Variants in TRIM67 observed in about 807,000 individuals in gnomAD.
The protein encoded by TRIM67 is tripartite motif-containing protein 67.
Under a neutral mutation model 71.0 loss-of-function variants are expected in TRIM67, and 39 were observed. The observed-to-expected ratio is 0.55, with a 90% CI of 0.43 to 0.72. The LOEUF (loss-of-function observed/expected upper bound fraction) is 0.72, where lower values mean the gene tolerates loss of function less well. TRIM67 is among the 30% of genes least tolerant of loss of function. The probability of loss-of-function intolerance (pLI) is 0.00; values close to 1 mark genes in which losing one functional copy is unlikely to be tolerated. For synonymous variants in TRIM67, 481 were observed against 473.9 expected, an observed-to-expected ratio of 1.01 and a Z score of -0.19; for missense variants, 973 against 1,079.2, an observed-to-expected ratio of 0.90 and a Z score of 1.38.
At chr1:231,173,810 G>T (rs1340221034) in intron 1 of TRIM67, among the ~76,000 whole-genome samples, 2 of 152,144 alleles carry the variant, frequency 1.3e-5, no homozygotes, top group African/African-American at 2.4e-5. Flanking sequence ...ATAGTAGGGG[G>T]ACAAGAGTGG....
At chr1:231,200,764 C>T (rs1170114413) in intron 4 of TRIM67, among the ~76,000 whole-genome samples, 1 of 152,066 alleles carries the variant, frequency 6.6e-6, no homozygotes, top group African/African-American at 2.4e-5. Context: ...TGATGAATCC[C>T]TTTGATTATT....
In TRIM67 at chr1:231,167,468, G is replaced by A. The variant is rs967315557; in HGVS notation, c.1044+3455G>A. On this transcript the variant is annotated intron_variant, in intron 1 of 9. Coordinates refer to ENST00000366653, the MANE Select transcript of TRIM67 (RefSeq NM_001004342.5). ...CTCCCAAGTAGCTGGGACTACAGGC[G>A]CCCGCCACTACGCCCGGCTAATTTT... 2.4e-5 allele frequency among the ~76,000 whole-genome samples: 3 copies of A among 124,058 alleles called. 1 individual carries two copies. Among genetic ancestry groups the A allele is most frequent in the Admixed American group, 1.6e-4 (2 of 12,580 alleles). The allele number at this position is 124,058 out of a possible 152,430, so 81.4% of individuals were successfully genotyped here.
chr1:231,204,719 TTAAA>T (rs1167860218), intron 6 of TRIM67, among the ~76,000 whole-genome samples: 2 of 152,120 alleles, frequency 1.3e-5, no homozygotes, highest in African/African-American at 2.4e-5. Flanking sequence ...CCAGAGAAGA[TTAAA>T]TAAACACTCA....
intron 9 of TRIM67, among the ~76,000 whole-genome samples, chr1:231,215,018 G>A (rs1207059673): frequency 6.6e-6 from 1 of 152,142 alleles, no homozygotes; most frequent in Non-Finnish European, 1.5e-5. Context: ...GGTTTAATAG[G>A]AAAGGAAAGA....
At position 231,163,260 on chromosome 1, in the gene TRIM67, C is replaced by A; in HGVS notation, c.291C>A (p.Asp97Glu). Residue 97 changes from aspartate (D) to glutamate (E), a missense_variant, in exon 1 of 10, where the codon GAC (aspartate) becomes GAA (glutamate). Coordinates refer to ENST00000366653, the MANE Select transcript of TRIM67 (RefSeq NM_001004342.5). ...GLGGGAGGGGDHADKLSLYSE... is the reference protein window; with the variant it reads ...GLGGGAGGGGEHADKLSLYSE... The stretch of plus-strand genomic sequence containing the variant: ...GCGGCGGTGCGGGAGGTGGCGGAGA[C>A]CACGCGGACAAGCTCAGCTTGTACA... 1.3e-6 allele frequency: 2 copies of A among 1,513,330 alleles called. No individual in the cohort carries two copies. The highest frequency in any genetic ancestry group is 1.8e-6 in the Non-Finnish European group (2 of 1,130,706). 93.7% of individuals were successfully genotyped at this position (1,513,330 alleles called of 1,614,324 possible).
chr1:231,163,797 C>A lies in TRIM67; in HGVS notation c.828C>A (p.Ser276Arg), dbSNP rs755587437. 1.9e-5 allele frequency: 28 copies of A among 1,489,876 alleles called. No individual in the cohort carries two copies. Among genetic ancestry groups the A allele is most frequent in the Non-Finnish European group, 2.2e-5 (25 of 1,116,004 alleles). The allele number at this position is 1,489,876 out of a possible 1,614,324, so 92.3% of individuals were successfully genotyped here. Reference protein sequence around the residue: ...GPTGTAQGAPSGGGGCKSPGG... With the variant: ...GPTGTAQGAPRGGGGCKSPGG... ...CTGGCACCGCCCAGGGCGCCCCCAG[C>A]GGAGGCGGCGGCTGCAAGAGCCCGG... Residue 276 changes from serine to arginine, a missense_variant, in exon 1 of 10, where the codon AGC becomes AGA. Physicochemically the swap from Ser to Arg is moderately radical, Grantham distance 110. Around this residue, in one of 2 missense-constraint regions of TRIM67, gnomAD observed 795 missense variants for 831.3 expected, o/e 0.96. Coordinates refer to ENST00000366653, the MANE Select transcript of TRIM67 (RefSeq NM_001004342.5).
chr1:231,194,320 G>C (rs542261269), intron 1 of TRIM67, among the ~76,000 whole-genome samples: 1 of 152,208 alleles, frequency 6.6e-6, no homozygotes, highest in Non-Finnish European at 1.5e-5. Flanking sequence ...TGACCCCTCA[G>C]CCTCCTTTTG....
At chr1:231,202,253 A>AGGAGGAGGTGGAAG (rs1683571664) in intron 5 of TRIM67, among the ~76,000 whole-genome samples, 10 of 11,610 alleles carry the variant, frequency 8.6e-4, no homozygotes, top group Non-Finnish European at 1.7e-3. Flanking sequence ...GGTAGTGGAG[A>AGGAGGAGGTGGAAG]AGGAGGAGGT....
chr1:231,168,470 A>T (rs1301583308), intron 1 of TRIM67, among the ~76,000 whole-genome samples: 1 of 152,246 alleles, frequency 6.6e-6, no homozygotes, highest in Non-Finnish European at 1.5e-5. Context: ...TATGTCAAAG[A>T]TACCTGATTT....
chr1:231,206,519 C>T (rs185417239), intron 6 of TRIM67, 133 bp from the exon 7 acceptor site: 229 of 856,280 alleles, frequency 2.7e-4, no homozygotes, highest in Non-Finnish European at 1.9e-4. Flanking sequence ...ATGCTCCCAC[C>T]TCAGCTTCCT....
Position 231,218,486 on chromosome 1 carries a change from A to G in TRIM67, c.*3046A>G. The stretch of plus-strand genomic sequence containing the variant: ...GTCAAAGTGTATGCCTTTTCCTTTT[A>G]AAATTAATCTCTTCCGAAAATATCC... On this transcript the variant is annotated 3_prime_UTR_variant, in exon 10 of 10. Coordinates refer to ENST00000366653, the MANE Select transcript of TRIM67 (RefSeq NM_001004342.5). The G allele has an allele frequency of 2.0e-6, 2 of 985,466 alleles. No individual in the cohort carries two copies. Among genetic ancestry groups the G allele is most frequent in the Non-Finnish European group, 2.4e-6 (2 of 829,944 alleles). The allele number at this position is 985,466 out of a possible 1,614,324, so 61.0% of individuals were successfully genotyped here.
intron 1 of TRIM67, among the ~76,000 whole-genome samples, chr1:231,176,071 T>C: frequency 6.6e-6 from 1 of 152,176 alleles, no homozygotes; most frequent in East Asian, 1.9e-4. Context: ...AAGGTGGCTT[T>C]CATTCCTGAG....
chr1:231,216,101 G>T lies in TRIM67; in HGVS notation c.*661G>T. On this transcript the variant is annotated 3_prime_UTR_variant, in exon 10 of 10. Coordinates refer to ENST00000366653, the MANE Select transcript of TRIM67 (RefSeq NM_001004342.5). ...GGCTTCCTTTATTAATCAGCCAATTGTGTTCTCTCTCTCTCTTCCTCCATC... is the reference window on the plus strand; with the variant it reads ...GGCTTCCTTTATTAATCAGCCAATTTTGTTCTCTCTCTCTCTTCCTCCATC... 1 of 985,272 alleles carries T rather than the reference G, an allele frequency of 1.0e-6. No individual in the cohort carries two copies. The highest frequency in any genetic ancestry group is 1.2e-6 in the Non-Finnish European group (1 of 829,876). The allele number at this position is 985,272 out of a possible 1,614,324, so 61.0% of individuals were successfully genotyped here.
intron 1 of TRIM67, among the ~76,000 whole-genome samples, chr1:231,179,637 T>A (rs1682847577): frequency 6.6e-6 from 1 of 152,202 alleles, no homozygotes; most frequent in African/African-American, 2.4e-5. Context: ...AGCATTCCAA[T>A]AATGGAACAC....
At chr1:231,173,094 C>T (rs934423481) in intron 1 of TRIM67, among the ~76,000 whole-genome samples, 3 of 152,178 alleles carry the variant, frequency 2.0e-5, no homozygotes, top group African/African-American at 4.8e-5. Context: ...TATATCATAT[C>T]AGACACAGTT....
At chr1:231,190,603 C>T (rs1000174337) in intron 1 of TRIM67, among the ~76,000 whole-genome samples, 1 of 135,700 alleles carries the variant, frequency 7.4e-6, no homozygotes, top group African/African-American at 2.8e-5. Context: ...CCTTCGTAGC[C>T]AATGCTGAGC....
At position 231,182,224 on chromosome 1, in the gene TRIM67, T is replaced by TA. The variant is rs537151464; in HGVS notation, c.1045-15146dup. 6.4e-3 allele frequency among the ~76,000 whole-genome samples: 971 copies of TA among 152,260 alleles called. 6 individuals are homozygous for TA. The highest frequency in any genetic ancestry group is 0.01 in the Non-Finnish European group (683 of 68,022). Reference sequence around the variant, plus strand: ...TTATTCAACAAATATTTATGGGACATACACTGGTAGCCCACGCAAAGATGA... The same window carrying TA: ...TTATTCAACAAATATTTATGGGACATAACACTGGTAGCCCACGCAAAGATGA... On this transcript the variant is annotated intron_variant, in intron 1 of 9. Transcript: ENST00000366653.
At chr1:231,199,556 A>G (rs117168805) in intron 3 of TRIM67, among the ~76,000 whole-genome samples, 46 of 152,270 alleles carry the variant, frequency 3.0e-4, no homozygotes, top group Admixed American at 2.7e-3. Flanking sequence ...CTCAACAGTC[A>G]GCAATAACAT....
rs1418510432 is a variant in TRIM67, at chr1:231,209,828, C to G, written c.2123+578C>G. On this transcript the variant is annotated intron_variant, in intron 8 of 9. Coordinates refer to ENST00000366653, the MANE Select transcript of TRIM67 (RefSeq NM_001004342.5). The surrounding 1 kb of genome is among the most constrained non-coding windows in gnomAD (Gnocchi z 4.1). The stretch of plus-strand genomic sequence containing the variant: ...GCTGTGGCTTTGCCCTGAGACTGGC[C>G]CTGGGAGTAGGGTCACCAGCATGGA... Among the ~76,000 whole-genome samples, 1 of 152,164 alleles carries G rather than the reference C, an allele frequency of 6.6e-6. No homozygotes were observed. The highest frequency in any genetic ancestry group is 1.9e-4 in the East Asian group (1 of 5,188).
Sources: gnomAD v4.1 joint callset for allele counts (sites outside exome capture counted in the v4.1 genomes callset) on GRCh38, gnomAD v4.1.1 for gene constraint, gnomAD v4.1.1 regional missense constraint, Gnocchi (gnomAD v3.1) non-coding constraint, MANE v1.5 for transcripts, NCBI Gene and HGNC (gene_info 2026-07-23, HGNC 2026-07-21) for gene names.